MZT1: variants seen among roughly 807,000 people sequenced by gnomAD.
MZT1 encodes the protein mitotic-spindle organizing protein 1.
Under a neutral mutation model 8.5 loss-of-function variants are expected in MZT1, and 8 were observed. The ratio of observed to expected loss-of-function variants is 0.94; its 90% CI spans 0.55 to 1.70. The LOEUF is 1.70. Ranked by LOEUF, MZT1 falls within the 40% of genes most tolerant of loss-of-function variation. The pLI, the probability that MZT1 is intolerant of heterozygous loss-of-function variation, is 0.00. For synonymous variants in MZT1, 38 were observed against 42.0 expected, an observed-to-expected ratio of 0.90 and a Z score of 0.37; for missense variants, 93 against 108.6, an observed-to-expected ratio of 0.86 and a Z score of 0.64.
Position 72,722,776 on chromosome 13 carries a change from TG to T in MZT1, c.80-3680del, listed in dbSNP as rs1313845841. On this transcript the variant is annotated intron_variant, in intron 1 of 2. Transcript: ENST00000377818. ...GTGGTTCCCATCTGCTCCTTTCTTT[TG>T]GGGGGAAACCTCTCTCTTCCTAATC... Among the ~76,000 whole-genome samples the T allele has an allele frequency of 2.0e-5, 3 of 152,286 alleles. No individual in the cohort carries two copies. In the East Asian group the frequency reaches 5.8e-4, roughly 29 times the overall value.
At chr13:72,726,155 C>T (rs1363041658) in intron 1 of MZT1, among the ~76,000 whole-genome samples, 2 of 151,178 alleles carry the variant, frequency 1.3e-5, no homozygotes, top group East Asian at 4.7e-4. Context: ...TGAGGCCGGG[C>T]ATGGTGGCTC....
rs754165126 is a variant in MZT1, at chr13:72,719,107, G to T, written c.80-10C>A. 222 of 1,190,784 alleles carry T rather than the reference G, an allele frequency of 1.9e-4. No individual in the cohort carries two copies. The highest frequency in any genetic ancestry group is 2.5e-4 in the Middle Eastern group (1 of 4,078). 73.8% of individuals were successfully genotyped at this position (1,190,784 alleles called of 1,614,324 possible). On this transcript the variant is annotated splice_polypyrimidine_tract_variant and intron_variant, in intron 1 of 2. Coordinates refer to ENST00000377818, the MANE Select transcript of MZT1 (RefSeq NM_001071775.3). ...GAAATCTCAAGCAGAACTGAAAAAA[G>T]ATACAAAAAAAAAAAAAACTTAAGG...
intron 2 of MZT1, among the ~76,000 whole-genome samples, chr13:72,714,173 G>A (rs777136940): frequency 6.6e-6 from 1 of 152,112 alleles, no homozygotes; most frequent in Non-Finnish European, 1.5e-5. Flanking sequence ...AAAAAATTTG[G>A]CTGCATTGTG....
At chr13:72,727,495 AAG>A (rs1183816753) in intron 1 of MZT1, 27 bp downstream of exon 1, 2 of 1,610,084 alleles carry the variant, frequency 1.2e-6, no homozygotes, top group Non-Finnish European at 1.7e-6. Flanking sequence ...GAAGGCACGC[AAG>A]GTAAAGGGAG....
At chr13:72,710,648 G>T (rs1002002509) in intron 2 of MZT1, among the ~76,000 whole-genome samples, 18 of 152,094 alleles carry the variant, frequency 1.2e-4, no homozygotes, top group African/African-American at 3.9e-4. Context: ...TGTTGCCACA[G>T]ACTTCATTAG....
intron 1 of MZT1, among the ~76,000 whole-genome samples, chr13:72,723,045 G>A (rs1436211052): frequency 1.3e-5 from 2 of 152,100 alleles, no homozygotes; most frequent in African/African-American, 4.8e-5. Flanking sequence ...TCACCTTGAT[G>A]AATTCTATGA....
chr13:72,710,309 T>A lies in MZT1; in HGVS notation c.*13A>T. ...CAGAGCTTGACATATCTCATCAGAATTTCTCCAGAAAGTCAGCTTGTCATA... is the reference window on the plus strand; with the variant it reads ...CAGAGCTTGACATATCTCATCAGAAATTCTCCAGAAAGTCAGCTTGTCATA... On this transcript the variant is annotated 3_prime_UTR_variant, in exon 3 of 3. Transcript: ENST00000377818. 6.2e-7 allele frequency: 1 copy of A among 1,612,980 alleles called. No individual in the cohort carries two copies. The highest frequency in any genetic ancestry group is 8.5e-7 in the Non-Finnish European group (1 of 1,179,166).
At chr13:72,722,761 T>C (rs577765551) in intron 1 of MZT1, among the ~76,000 whole-genome samples, 2 of 152,348 alleles carry the variant, frequency 1.3e-5, no homozygotes, top group Middle Eastern at 3.4e-3. Context: ...GTGGTTCCCA[T>C]CTGCTCCTTT....
In MZT1 at chr13:72,727,514, G is replaced by A. The variant is rs752499216; in HGVS notation, c.79+10C>T. 2 of 1,613,464 alleles carry A rather than the reference G, an allele frequency of 1.2e-6. No individual in the cohort carries two copies. The highest frequency in any genetic ancestry group is 1.7e-6 in the Non-Finnish European group (2 of 1,179,502). ...GCACGCAAGGTAAAGGGAGCGCAAC[G>A]GAAACTCACCGTCCATGGTCTCCCG... On this transcript the variant is annotated intron_variant, in intron 1 of 2. Transcript: ENST00000377818.
chr13:72,724,012 G>A (rs571128318), intron 1 of MZT1, among the ~76,000 whole-genome samples: 1 of 152,092 alleles, frequency 6.6e-6, no homozygotes, highest in Non-Finnish European at 1.5e-5. Context: ...GCAGGAGGAA[G>A]GGTGATGGTT....
In MZT1 at chr13:72,710,108, A is replaced by G. The variant is rs956677923; in HGVS notation, c.*214T>C. On this transcript the variant is annotated 3_prime_UTR_variant, in exon 3 of 3. Coordinates refer to ENST00000377818, the MANE Select transcript of MZT1 (RefSeq NM_001071775.3). ...TGCCAAAGCATTAGAGCTGTTAAAA[A>G]AAGTGAATAAGATGTGATGTAAACA... The G allele has an allele frequency of 2.7e-5, 15 of 547,450 alleles. No individual in the cohort carries two copies. Among genetic ancestry groups the G allele is most frequent in the Non-Finnish European group, 3.9e-5 (12 of 306,788 alleles). The allele number at this position is 547,450 out of a possible 1,614,324, so 33.9% of individuals were successfully genotyped here. A position where few individuals can be genotyped will look rare whatever the true frequency, so the allele number is the denominator to read the frequency against.
At chr13:72,717,480 C>T (rs559828322) in intron 2 of MZT1, among the ~76,000 whole-genome samples, 1 of 152,092 alleles carries the variant, frequency 6.6e-6, no homozygotes, top group African/African-American at 2.4e-5. Flanking sequence ...GCTGGGATTA[C>T]AGGCATGTGC....
chr13:72,712,934 G>T (rs1398326924), intron 2 of MZT1, among the ~76,000 whole-genome samples: 2 of 152,092 alleles, frequency 1.3e-5, no homozygotes, highest in Non-Finnish European at 2.9e-5. Flanking sequence ...AAAAATTTCA[G>T]AAATACACTG....
In MZT1 at chr13:72,709,232, A is replaced by C. The variant is rs1486157511; in HGVS notation, c.*1090T>G. On this transcript the variant is annotated 3_prime_UTR_variant, in exon 3 of 3. Transcript: ENST00000377818. Reference sequence around the variant, plus strand: ...CCATACTTGAGATTCCTAATATAGAACATTTGATTGTTTAGTTTTGTTTAA... The same window carrying C: ...CCATACTTGAGATTCCTAATATAGACCATTTGATTGTTTAGTTTTGTTTAA... The C allele has an allele frequency of 6.6e-6, 1 of 151,812 alleles. No homozygotes were observed. Among genetic ancestry groups the C allele is most frequent in the Non-Finnish European group, 1.5e-5 (1 of 67,898 alleles). The allele number at this position is 151,812 out of a possible 1,614,324, so 9.4% of individuals were successfully genotyped here.
intron 1 of MZT1, among the ~76,000 whole-genome samples, chr13:72,727,004 A>G (rs2032672484): frequency 6.6e-6 from 1 of 152,236 alleles, no homozygotes; most frequent in Non-Finnish European, 1.5e-5. Context: ...ACCAAAGGGG[A>G]ACTTGTTCAT....
rs2032468234 is a variant in MZT1, at chr13:72,709,717, T to G, written c.*605A>C. The G allele has an allele frequency of 6.6e-6, 1 of 152,096 alleles. No individual in the cohort carries two copies. Among genetic ancestry groups the G allele is most frequent in the Non-Finnish European group, 1.5e-5 (1 of 67,944 alleles). The allele number at this position is 152,096 out of a possible 1,614,324, so 9.4% of individuals were successfully genotyped here. ...TCACACTATTAGCTGCCCAACAAACTGTTTGAAAAACTAAATATTCTTTGT... is the reference window on the plus strand; with the variant it reads ...TCACACTATTAGCTGCCCAACAAACGGTTTGAAAAACTAAATATTCTTTGT... On this transcript the variant is annotated 3_prime_UTR_variant, in exon 3 of 3. Transcript: ENST00000377818.
intron 1 of MZT1, among the ~76,000 whole-genome samples, chr13:72,722,429 C>T (rs1044426310): frequency 9.9e-5 from 15 of 152,276 alleles, no homozygotes; most frequent in African/African-American, 3.6e-4. Context: ...CTGTTACTAC[C>T]ACTTTCCCTC....
At chr13:72,711,943 A>T (rs1348614370) in intron 2 of MZT1, among the ~76,000 whole-genome samples, 1 of 152,218 alleles carries the variant, frequency 6.6e-6, no homozygotes, top group Non-Finnish European at 1.5e-5. Flanking sequence ...ATCAAGTATA[A>T]CACTTTTATT....
intron 1 of MZT1, among the ~76,000 whole-genome samples, chr13:72,724,719 C>CACAT (rs1258010084): frequency 1.1e-4 from 3 of 27,794 alleles, no homozygotes; most frequent in African/African-American, 2.2e-4. Context: ...TATATATATA[C>CACAT]ATATATATAT....
Sources: allele counts gnomAD v4.1 joint callset (sites outside exome capture counted in the v4.1 genomes callset), GRCh38; gene constraint gnomAD v4.1.1; transcripts MANE v1.5; gene names NCBI Gene and HGNC (gene_info 2026-07-23, HGNC 2026-07-21).